Variants in FCHSD2 observed in about 807,000 individuals in gnomAD.
The protein encoded by FCHSD2 is FCH and double SH3 domains 2, also known as F-BAR and double SH3 domains protein 2.
A neutral mutation model predicts 108.1 loss-of-function variants in FCHSD2; 38 were observed. That is an observed-to-expected ratio of 0.35 (90% CI 0.27 to 0.46). The LOEUF (loss-of-function observed/expected upper bound fraction) is 0.46, where lower values mean the gene tolerates loss of function less well. FCHSD2 is among the 20% of genes least tolerant of loss of function. FCHSD2 has a pLI of 1.00. For synonymous variants in FCHSD2, 279 were observed against 314.7 expected, an observed-to-expected ratio of 0.89 and a Z score of 1.20; for missense variants, 751 against 897.8, an observed-to-expected ratio of 0.84 and a Z score of 2.09.
rs12291530 is a variant in FCHSD2, at chr11:73,099,688, C to G, written c.120-15948G>C. ...CAGGCGTTAGGCTTAGCGGCGCTCA[C>G]CACCCTGGTTCTTCTGCACCCTCGG... On this transcript the variant is annotated intron_variant, in intron 2 of 19. Transcript: ENST00000409418. Among the ~76,000 whole-genome samples, 763 of 152,370 alleles carry G rather than the reference C, an allele frequency of 5.0e-3. 6 individuals carry two copies. Among genetic ancestry groups the G allele is most frequent in the African/African-American group, 0.017 (705 of 41,588 alleles).
chr11:72,957,259 C>T (rs1236810216), intron 8 of FCHSD2, among the ~76,000 whole-genome samples: 1 of 144,608 alleles, frequency 6.9e-6, no homozygotes, highest in Non-Finnish European at 1.5e-5. Flanking sequence ...GTTCAATTCC[C>T]ACCTATGAGT....
chr11:72,952,931 C>G (rs1281430980), intron 8 of FCHSD2, among the ~76,000 whole-genome samples: 2 of 152,166 alleles, frequency 1.3e-5, no homozygotes, highest in East Asian at 3.8e-4. Context: ...TCAAGGTCAG[C>G]AGTTCACCCG....
At chr11:73,053,283 T>G (rs1374005859) in intron 3 of FCHSD2, among the ~76,000 whole-genome samples, 1 of 151,902 alleles carries the variant, frequency 6.6e-6, no homozygotes, top group Non-Finnish European at 1.5e-5. Flanking sequence ...CAAAAGAAGA[T>G]TCATACAAAA....
At position 72,837,465 on chromosome 11, in the gene FCHSD2, G is replaced by GA. The variant is rs377583611; in HGVS notation, c.*1325dup. On this transcript the variant is annotated 3_prime_UTR_variant, in exon 20 of 20. Coordinates refer to ENST00000409418, the MANE Select transcript of FCHSD2 (RefSeq NM_014824.3). ...CTGCAAATTTGATTTCTTAACCAAG[G>GA]AAAAAAAAAAAAAACAAACCACAAC... 11,390 of 128,270 alleles carry GA rather than the reference G, an allele frequency of 0.089. 518 individuals are homozygous for GA. The highest frequency in any genetic ancestry group is 0.18 in the Middle Eastern group (48 of 270). 7.9% of individuals were successfully genotyped at this position (128,270 alleles called of 1,614,324 possible). A position where few individuals can be genotyped will look rare whatever the true frequency, so the allele number is the denominator to read the frequency against.
chr11:72,868,128 G>GA (rs1854770848), intron 12 of FCHSD2, 102 bp from the exon 13 acceptor site: 1 of 1,071,600 alleles, frequency 9.3e-7, no homozygotes, highest in Non-Finnish European at 1.3e-6. Context: ...ACTGGATAAA[G>GA]AAAATGTGGT....
At chr11:73,140,537 C>T (rs1337253131) in intron 1 of FCHSD2, among the ~76,000 whole-genome samples, 1 of 152,062 alleles carries the variant, frequency 6.6e-6, no homozygotes, top group Non-Finnish European at 1.5e-5. Flanking sequence ...CCTAAGAGTG[C>T]CTGATACCCA....
intron 2 of FCHSD2, among the ~76,000 whole-genome samples, chr11:73,096,987 A>AATTTTTTTTTTTTTTTTTTTTTTTTTTTT (rs1860095700): frequency 3.7e-5 from 1 of 27,020 alleles, no homozygotes; most frequent in African/African-American, 2.0e-4. Context: ...TCATTGATGG[A>AATTTTTTTTTTTTTTTTTTTTTTTTTTTT]TTTTTTTTTT....
chr11:72,987,171 C>G (rs1290001314), intron 6 of FCHSD2, among the ~76,000 whole-genome samples: 1 of 152,178 alleles, frequency 6.6e-6, no homozygotes, highest in Non-Finnish European at 1.5e-5. Context: ...TCCACACCAT[C>G]TATCAAATCA....
intron 3 of FCHSD2, among the ~76,000 whole-genome samples, chr11:73,029,723 CT>C (rs1858314639): frequency 6.6e-6 from 1 of 152,178 alleles, no homozygotes; most frequent in African/African-American, 2.4e-5. Flanking sequence ...TCCTTTTTCC[CT>C]GTCTTCATTT....
chr11:72,926,683 G>A (rs1201010068), intron 8 of FCHSD2, among the ~76,000 whole-genome samples: 1 of 152,136 alleles, frequency 6.6e-6, no homozygotes, highest in Non-Finnish European at 1.5e-5. Flanking sequence ...CCCTTCACTT[G>A]TCTGCCTACC....
intron 8 of FCHSD2, among the ~76,000 whole-genome samples, chr11:72,931,062 A>T (rs1290344925): frequency 6.6e-6 from 1 of 150,412 alleles, no homozygotes; most frequent in Admixed American, 6.7e-5. Context: ...ATATATATAT[A>T]TATATATACC....
intron 12 of FCHSD2, among the ~76,000 whole-genome samples, chr11:72,881,489 A>G (rs2135233971): frequency 6.6e-6 from 1 of 152,364 alleles, no homozygotes; most frequent in Middle Eastern, 3.4e-3. Flanking sequence ...AGGTTTCTCA[A>G]AAGACTAAAA....
chr11:72,887,803 G>A (rs941839022), intron 11 of FCHSD2, among the ~76,000 whole-genome samples: 3 of 152,022 alleles, frequency 2.0e-5, no homozygotes, highest in African/African-American at 7.2e-5. Flanking sequence ...TCTGATTGCC[G>A]CCACATGAGA....
In FCHSD2 at chr11:72,946,548, A is replaced by T. The variant is rs542480135; in HGVS notation, c.706-24598T>A. On this transcript the variant is annotated intron_variant, in intron 8 of 19. Transcript: ENST00000409418. ...TACCCTAAAACTTAAAGTATAATTT[A>T]AAAAAAACTAGACAATTACATGGTC... is the stretch of plus-strand genomic sequence containing the variant. Among the ~76,000 whole-genome samples, 47 of 150,590 alleles carry T rather than the reference A, an allele frequency of 3.1e-4. No homozygotes were observed. The South Asian group carries it at 8.9e-3, about 29-fold the overall frequency.
intron 17 of FCHSD2, 94 bp from the exon 18 acceptor site, chr11:72,841,677 T>A: frequency 7.7e-7 from 1 of 1,298,444 alleles, no homozygotes. Context: ...GCCTTTTCTC[T>A]AAAGCTAAGC....
chr11:73,054,682 AT>A (rs112576724), intron 3 of FCHSD2, among the ~76,000 whole-genome samples: 3 of 149,956 alleles, frequency 2.0e-5, no homozygotes, highest in African/African-American at 7.4e-5. Flanking sequence ...TCCTGTTATA[AT>A]TTTTTTTTTC....
chr11:72,932,358 C>T (rs1336406101), intron 8 of FCHSD2, among the ~76,000 whole-genome samples: 1 of 152,054 alleles, frequency 6.6e-6, no homozygotes, highest in East Asian at 1.9e-4. Context: ...TTTTACTTGA[C>T]TGCTCTACAC....
rs192430829 is a variant in FCHSD2 at position 72,999,444 on chromosome 11, C to T, written c.387+1546G>A. Among the ~76,000 whole-genome samples, 29 of 151,768 alleles carry T rather than the reference C, an allele frequency of 1.9e-4. No individual in the cohort carries two copies. The East Asian group carries it at 5.2e-3, about 27-fold the overall frequency. On this transcript the variant is annotated intron_variant, in intron 5 of 19. Coordinates refer to ENST00000409418, the MANE Select transcript of FCHSD2 (RefSeq NM_014824.3). ...AAGCAATTCTCCTGTCTCAGCCTCC[C>T]GAGTAGCTGGAACTACAGGTGCACG...
chr11:73,068,813 T>TAAAAAAAA (rs1237723120), intron 3 of FCHSD2, among the ~76,000 whole-genome samples: 234 of 82,864 alleles, frequency 2.8e-3, no homozygotes, highest in Non-Finnish European at 3.8e-3. Flanking sequence ...CTACAAAAAG[T>TAAAAAAAA]AAAAAAAAAA....
Sources: gnomAD v4.1 joint callset for allele counts (sites outside exome capture counted in the v4.1 genomes callset) on GRCh38, gnomAD v4.1.1 for gene constraint, MANE v1.5 for transcripts, NCBI Gene and HGNC (gene_info 2026-07-23, HGNC 2026-07-21) for gene names.